PRKAR2B: variants seen among roughly 807,000 people sequenced by gnomAD.
PRKAR2B encodes the protein cAMP-dependent protein kinase type II-beta regulatory subunit.
PRKAR2B carries 14 observed loss-of-function variants against 49.9 expected under a neutral mutation model. The ratio of observed to expected loss-of-function variants is 0.28; its 90% CI spans 0.19 to 0.44. The LOEUF (loss-of-function observed/expected upper bound fraction) is 0.44, where lower values mean the gene tolerates loss of function less well. Ranked by LOEUF, PRKAR2B falls within the 20% of genes least tolerant of loss-of-function variation. PRKAR2B has a pLI of 1.00. For synonymous variants in PRKAR2B, 196 were observed against 197.7 expected (o/e 0.99, Z 0.07); for missense variants, 393 against 537.9 (o/e 0.73, Z 2.67).
At chr7:107,157,869 A>G (rs537690830) in intron 10 of PRKAR2B, among the ~76,000 whole-genome samples, 31 of 152,356 alleles carry the variant, frequency 2.0e-4, no homozygotes, top group Admixed American at 1.6e-3. Context: ...CTGAGATTAT[A>G]TATCTGAGAA....
intron 2 of PRKAR2B, among the ~76,000 whole-genome samples, chr7:107,116,192 AT>A (rs1230249301): frequency 3.3e-5 from 5 of 152,196 alleles, no homozygotes; most frequent in African/African-American, 1.2e-4. Context: ...TTTTGTTAAC[AT>A]TTACTGTGTG....
intron 3 of PRKAR2B, 81 bp downstream of exon 3, chr7:107,122,085 C>T: frequency 9.2e-6 from 9 of 982,502 alleles, no homozygotes; most frequent in Non-Finnish European, 1.4e-5. Flanking sequence ...AAAGATTTAA[C>T]AGGCATGTAG....
intron 2 of PRKAR2B, among the ~76,000 whole-genome samples, chr7:107,104,255 G>A (rs562771222): frequency 2.7e-4 from 41 of 152,130 alleles, no homozygotes; most frequent in Non-Finnish European, 5.1e-4. Context: ...GGCTGGCCTC[G>A]AACTCCTGAG....
intron 6 of PRKAR2B, among the ~76,000 whole-genome samples, chr7:107,149,269 C>CGTTT (rs1220294910): frequency 6.6e-6 from 1 of 152,060 alleles, no homozygotes. Context: ...AGGAGTAAAA[C>CGTTT]AAGTCCAAAT....
At chr7:107,112,174 TAAAAAAAA>T (rs749209141) in intron 2 of PRKAR2B, among the ~76,000 whole-genome samples, 1 of 44,760 alleles carries the variant, frequency 2.2e-5, no homozygotes, top group African/African-American at 1.0e-4. Flanking sequence ...ACTGTGTCTC[TAAAAAAAA>T]AAAAAAAAAA....
At position 107,128,274 on chromosome 7, in the gene PRKAR2B, G is replaced by C. The variant is rs192434575; in HGVS notation, c.459G>C (p.Leu153=). 15 of 1,611,246 alleles carry C rather than the reference G, an allele frequency of 9.3e-6. No homozygotes were observed. Among genetic ancestry groups the C allele is most frequent in the Non-Finnish European group, 1.3e-5 (15 of 1,177,502 alleles). The change falls in exon 4 of 11, where the codon CTG becomes CTC. Residue 153 remains leucine (L), a synonymous_variant. Transcript: ENST00000265717. ...NRLQEACKDI[L]LFKNLDPEQM... is the part of the protein sequence containing the mutation. ...TGCAAGAGGCTTGCAAAGACATCCT[G>C]CTGTTTAAGAATCTGGATCCGGTAA...
chr7:107,111,679 A>T (rs1456424605), intron 2 of PRKAR2B, among the ~76,000 whole-genome samples: 5 of 152,102 alleles, frequency 3.3e-5, no homozygotes, highest in African/African-American at 1.2e-4. Flanking sequence ...ATTTATTTTA[A>T]TTTTTTTGTT....
At chr7:107,056,062 T>C (rs1440952879) in intron 1 of PRKAR2B, among the ~76,000 whole-genome samples, 1 of 152,268 alleles carries the variant, frequency 6.6e-6, no homozygotes, top group African/African-American at 2.4e-5. Context: ...GCACCATTTA[T>C]TAAATAGGGA....
chr7:107,141,067 T>C, intron 5 of PRKAR2B, 114 bp downstream of exon 5: 1 of 686,864 alleles, frequency 1.5e-6, no homozygotes, highest in Non-Finnish European at 2.4e-6. Context: ...GCCGCTACTC[T>C]TATTATTACA....
At chr7:107,126,407 T>G (rs1584442011) in intron 3 of PRKAR2B, among the ~76,000 whole-genome samples, 1 of 94,110 alleles carries the variant, frequency 1.1e-5, no homozygotes, top group Non-Finnish European at 2.0e-5. Context: ...GGCAACAGAG[T>G]GAGAATCTGT....
intron 4 of PRKAR2B, among the ~76,000 whole-genome samples, chr7:107,130,707 A>G (rs1355191203): frequency 6.6e-6 from 1 of 152,098 alleles, no homozygotes; most frequent in Non-Finnish European, 1.5e-5. Flanking sequence ...TGAGGAAGCA[A>G]AGACCTGGTT....
chr7:107,114,377 T>TGTGTGTGTGTGTG (rs1795231898), intron 2 of PRKAR2B, among the ~76,000 whole-genome samples: 1 of 131,418 alleles, frequency 7.6e-6, no homozygotes, highest in African/African-American at 2.6e-5. Context: ...TGTGTGTGTG[T>TGTGTGTGTGTGTG]TTGAGACTAA....
intron 4 of PRKAR2B, among the ~76,000 whole-genome samples, chr7:107,129,459 C>T (rs926372888): frequency 6.6e-6 from 1 of 152,180 alleles, no homozygotes; most frequent in Non-Finnish European, 1.5e-5. Flanking sequence ...TTGCATCACT[C>T]TGTAAGTAGC....
At chr7:107,103,702 TATC>T (rs1795017941) in intron 2 of PRKAR2B, among the ~76,000 whole-genome samples, 1 of 152,250 alleles carries the variant, frequency 6.6e-6, no homozygotes, top group Non-Finnish European at 1.5e-5. Context: ...TGGCTTTTTC[TATC>T]GGTAGAGTGG....
intron 8 of PRKAR2B, among the ~76,000 whole-genome samples, chr7:107,155,423 C>T (rs944385642): frequency 1.3e-5 from 2 of 152,098 alleles, no homozygotes; most frequent in African/African-American, 4.8e-5. Flanking sequence ...AATACGGGTT[C>T]TAGATCCCTG....
At chr7:107,084,521 T>A (rs1038230914) in intron 2 of PRKAR2B, among the ~76,000 whole-genome samples, 1 of 152,110 alleles carries the variant, frequency 6.6e-6, no homozygotes, top group Non-Finnish European at 1.5e-5. Flanking sequence ...TACAGTTTAG[T>A]TCGGTTTATT....
At chr7:107,095,147 G>A (rs1794811619) in intron 2 of PRKAR2B, among the ~76,000 whole-genome samples, 1 of 152,186 alleles carries the variant, frequency 6.6e-6, no homozygotes, top group Non-Finnish European at 1.5e-5. Flanking sequence ...AGCATGAAAT[G>A]TTCTTCCATT....
chr7:107,144,826 C>A, intron 5 of PRKAR2B, among the ~76,000 whole-genome samples: 1 of 146,820 alleles, frequency 6.8e-6, no homozygotes, highest in Middle Eastern at 3.2e-3. Flanking sequence ...CAGCACGTCC[C>A]CACTCTTTGT....
intron 2 of PRKAR2B, among the ~76,000 whole-genome samples, chr7:107,100,659 C>T (rs926774488): frequency 3.3e-5 from 5 of 152,236 alleles, no homozygotes; most frequent in East Asian, 1.9e-4. Flanking sequence ...CAGATATCTA[C>T]GACTGTCTAT....
Sources: allele counts gnomAD v4.1 joint callset (sites outside exome capture counted in the v4.1 genomes callset), GRCh38; gene constraint gnomAD v4.1.1; transcripts MANE v1.5; gene names NCBI Gene and HGNC (gene_info 2026-07-23, HGNC 2026-07-21).